Variants in BTBD10 observed in about 807,000 individuals in gnomAD.
The protein encoded by BTBD10 is BTB/POZ domain-containing protein 10.
BTBD10 carries 21 observed loss-of-function variants against 53.2 expected under a neutral mutation model. The ratio of observed to expected loss-of-function variants is 0.39; its 90% confidence interval spans 0.28 to 0.57. The LOEUF (loss-of-function observed/expected upper bound fraction) is 0.57. Ranked by LOEUF, BTBD10 falls within the 20% of genes least tolerant of loss-of-function variation. The pLI, the probability that BTBD10 is intolerant of heterozygous loss-of-function variation, is 0.53. For synonymous variants in BTBD10, 149 were observed against 192.7 expected, an observed-to-expected ratio of 0.77 and a Z score of 1.88; for missense variants, 360 against 594.7, an observed-to-expected ratio of 0.61 and a Z score of 4.10.
At chr11:13,454,304 T>A (rs1950920953) in intron 1 of BTBD10, among the ~76,000 whole-genome samples, 1 of 152,168 alleles carries the variant, frequency 6.6e-6, no homozygotes, top group South Asian at 2.1e-4. Flanking sequence ...GAAATACATA[T>A]CAAGATAGTG....
chr11:13,407,817 A>C (rs541307175), intron 6 of BTBD10, among the ~76,000 whole-genome samples: 1 of 152,350 alleles, frequency 6.6e-6, no homozygotes, highest in South Asian at 2.1e-4. Context: ...AAGTCAAAAG[A>C]AGCCTTGCAA....
intron 1 of BTBD10, among the ~76,000 whole-genome samples, chr11:13,457,817 T>C (rs11022834): frequency 0.44 from 66,464 of 152,034 alleles, 16,320 homozygotes; most frequent in South Asian, 0.62. Flanking sequence ...TGTACACACA[T>C]ATATTTCTGA....
chr11:13,432,154 G>A (rs1950460547), intron 2 of BTBD10, among the ~76,000 whole-genome samples: 1 of 152,014 alleles, frequency 6.6e-6, no homozygotes, highest in Non-Finnish European at 1.5e-5. Flanking sequence ...TTCTCAAAAT[G>A]ACAAACTTAC....
chr11:13,402,205 T>C (rs1191491921), intron 8 of BTBD10, among the ~76,000 whole-genome samples: 1 of 152,240 alleles, frequency 6.6e-6, no homozygotes. Context: ...AAATCCTGTT[T>C]CTGGTTATTC....
chr11:13,461,785 GT>G (rs1951103797), intron 1 of BTBD10, among the ~76,000 whole-genome samples: 1 of 152,106 alleles, frequency 6.6e-6, no homozygotes, highest in Non-Finnish European at 1.5e-5. Flanking sequence ...TTACTCTCTG[GT>G]GGTTCCTTAC....
chr11:13,436,366 A>G (rs1048093221), intron 2 of BTBD10, among the ~76,000 whole-genome samples: 1 of 152,188 alleles, frequency 6.6e-6, no homozygotes, highest in African/African-American at 2.4e-5. Flanking sequence ...GTATGCTAGT[A>G]CTTCCTCCAG....
At chr11:13,438,551 A>C (rs1591156950) in intron 2 of BTBD10, among the ~76,000 whole-genome samples, 1 of 152,162 alleles carries the variant, frequency 6.6e-6, no homozygotes, top group East Asian at 1.9e-4. Context: ...CTTCATGACT[A>C]AAGGATGTTC....
At chr11:13,441,095 A>G (rs773809687) in intron 2 of BTBD10, among the ~76,000 whole-genome samples, 1 of 152,176 alleles carries the variant, frequency 6.6e-6, no homozygotes, top group Non-Finnish European at 1.5e-5. Context: ...AGCAACTTAT[A>G]AACAAATTCA....
At chr11:13,425,807 T>C (rs1273449236) in intron 2 of BTBD10, among the ~76,000 whole-genome samples, 3 of 152,210 alleles carry the variant, frequency 2.0e-5, no homozygotes, top group Non-Finnish European at 4.4e-5. Context: ...CACTACACAC[T>C]GTATACATGT....
chr11:13,394,360 G>C (rs556434868), intron 8 of BTBD10, among the ~76,000 whole-genome samples: 1 of 152,148 alleles, frequency 6.6e-6, no homozygotes, highest in African/African-American at 2.4e-5. Context: ...TTAAAAGTAT[G>C]TGGCAGTTCC....
In BTBD10 at chr11:13,421,638, A is replaced by C; in HGVS notation, c.298+4T>G. Reference sequence around the variant, plus strand: ...TGTTAGGAAGGTTAGTTGATTTTACATACCAACATGGTGCTGTCGTGTTGG... The same window carrying C: ...TGTTAGGAAGGTTAGTTGATTTTACCTACCAACATGGTGCTGTCGTGTTGG... On this transcript the variant is annotated splice_donor_region_variant and intron_variant, in intron 3 of 8. Transcript: ENST00000278174. 2 of 1,608,600 alleles carry C rather than the reference A, an allele frequency of 1.2e-6. No individual in the cohort carries two copies. Among genetic ancestry groups the C allele is most frequent in the Non-Finnish European group, 1.7e-6 (2 of 1,176,952 alleles).
In BTBD10 at chr11:13,421,803, T is replaced by G. The variant is rs1363999521; in HGVS notation, c.137A>C (p.His46Pro). The change falls in exon 3 of 9, where the codon CAC becomes CCC. Residue 46 changes from histidine to proline, a missense_variant. His to Pro is a moderately conservative substitution (Grantham distance 77). Coordinates refer to ENST00000278174, the MANE Select transcript of BTBD10 (RefSeq NM_032320.7). ...SSRIAKGGVD[H>P]TKMSLHGASG... is the part of the protein sequence containing the mutation. ...AGCACCATGTAGACTCATTTTGGTG[T>G]GGTCAACTCCTCCTTTAGCAATACG... 2 of 1,613,534 alleles carry G rather than the reference T, an allele frequency of 1.2e-6. No individual in the cohort carries two copies. Among genetic ancestry groups the G allele is most frequent in the Admixed American group, 3.3e-5 (2 of 59,964 alleles).
chr11:13,436,238 G>A (rs1950541553), intron 2 of BTBD10, among the ~76,000 whole-genome samples: 1 of 152,104 alleles, frequency 6.6e-6, no homozygotes, highest in South Asian at 2.1e-4. Context: ...TCACATTAAG[G>A]CTTAAACCTT....
chr11:13,429,577 T>C (rs1950409398), intron 2 of BTBD10, among the ~76,000 whole-genome samples: 1 of 150,330 alleles, frequency 6.7e-6, no homozygotes, highest in African/African-American at 2.5e-5. Flanking sequence ...CTGGAACAAA[T>C]GAATATACAA....
intron 6 of BTBD10, among the ~76,000 whole-genome samples, chr11:13,409,495 C>T (rs1157649045): frequency 1.3e-5 from 2 of 151,966 alleles, no homozygotes; most frequent in South Asian, 4.1e-4. Flanking sequence ...ATTTTGTTTC[C>T]TCTTTACCTC....
chr11:13,428,977 G>A (rs1487584119), intron 2 of BTBD10, among the ~76,000 whole-genome samples: 1 of 151,908 alleles, frequency 6.6e-6, no homozygotes, highest in Admixed American at 6.6e-5. Flanking sequence ...CCAACAATAC[G>A]CAACCTAAAA....
intron 2 of BTBD10, among the ~76,000 whole-genome samples, chr11:13,439,210 G>C (rs1366367500): frequency 6.6e-6 from 1 of 152,054 alleles, no homozygotes; most frequent in Admixed American, 6.6e-5. Context: ...GTTTTAAATT[G>C]TTGTAAAATT....
intron 8 of BTBD10, among the ~76,000 whole-genome samples, chr11:13,394,549 TTTTA>T (rs1005452021): frequency 5.3e-5 from 8 of 152,328 alleles, no homozygotes; most frequent in African/African-American, 1.9e-4. Flanking sequence ...CTTTTTATTT[TTTTA>T]TTATTATTAT....
chr11:13,459,065 T>G (rs1474125929), intron 1 of BTBD10, among the ~76,000 whole-genome samples: 1 of 149,316 alleles, frequency 6.7e-6, no homozygotes, highest in African/African-American at 2.5e-5. Flanking sequence ...TTTATTTTTT[T>G]TTTTTTTTTG....
Sources: allele counts gnomAD v4.1 joint callset (sites outside exome capture counted in the v4.1 genomes callset), GRCh38; gene constraint gnomAD v4.1.1; transcripts MANE v1.5; gene names NCBI Gene and HGNC (gene_info 2026-07-23, HGNC 2026-07-21).